CTNNA3: variants seen among roughly 807,000 people sequenced by gnomAD.
CTNNA3 encodes catenin alpha 3, also known as catenin alpha-3.
Under a neutral mutation model 95.7 loss-of-function variants are expected in CTNNA3, and 76 were observed. The observed-to-expected ratio is 0.79, with a 90% confidence interval of 0.66 to 0.96. The LOEUF (loss-of-function observed/expected upper bound fraction) is 0.96. Ranked by LOEUF, CTNNA3 falls within the 40% of genes least tolerant of loss-of-function variation. The probability of loss-of-function intolerance (pLI) is 0.00; values close to 1 mark genes in which losing one functional copy is unlikely to be tolerated. For synonymous variants in CTNNA3, 431 were observed against 374.4 expected, an observed-to-expected ratio of 1.15 and a Z score of -1.74; for missense variants, 1,191 against 1,089.8, an observed-to-expected ratio of 1.09 and a Z score of -1.31.
intron 11 of CTNNA3, among the ~76,000 whole-genome samples, chr10:66,502,631 T>C (rs1840315209): frequency 6.6e-6 from 1 of 152,170 alleles, no homozygotes; most frequent in South Asian, 2.1e-4. Context: ...CCACTCAATA[T>C]TACTTTGAAA....
In CTNNA3 at chr10:66,897,475, A is replaced by G. The variant is rs535723402; in HGVS notation, c.1048-121951T>C. Among the ~76,000 whole-genome samples, 166 of 152,276 alleles carry G rather than the reference A, an allele frequency of 1.1e-3. 1 individual carries two copies. Among genetic ancestry groups the G allele is most frequent in the Non-Finnish European group, 2.5e-4 (17 of 68,000 alleles). ...TAAAACAGTAATTCATAAAAATTAA[A>G]AGAAAATTTAAAAAGGGAATATAAC... On this transcript the variant is annotated intron_variant, in intron 7 of 17. Coordinates refer to ENST00000433211, the MANE Select transcript of CTNNA3 (RefSeq NM_013266.4).
chr10:67,728,653 T>G (rs970221325), intron 1 of CTNNA3, among the ~76,000 whole-genome samples: 1 of 151,936 alleles, frequency 6.6e-6, no homozygotes. Context: ...TGTATATGCA[T>G]GTATTTGTAT....
chr10:67,527,955 A>G (rs1001208529), intron 4 of CTNNA3, among the ~76,000 whole-genome samples: 1 of 152,178 alleles, frequency 6.6e-6, no homozygotes, highest in African/African-American at 2.4e-5. Flanking sequence ...CTCCACCACA[A>G]TGCTCCTGCT....
chr10:66,546,306 TG>T (rs1842033333), intron 10 of CTNNA3, among the ~76,000 whole-genome samples: 2 of 152,308 alleles, frequency 1.3e-5, no homozygotes, highest in South Asian at 2.1e-4. Context: ...TTCACATGCA[TG>T]TAATTGTCAC....
At chr10:66,132,967 G>A (rs1455318716) in intron 13 of CTNNA3, among the ~76,000 whole-genome samples, 1 of 151,966 alleles carries the variant, frequency 6.6e-6, no homozygotes, top group Non-Finnish European at 1.5e-5. Flanking sequence ...TAGTACCTGG[G>A]TGATGAAATA....
chr10:66,941,043 C>T (rs1589457143), intron 7 of CTNNA3, among the ~76,000 whole-genome samples: 1 of 152,326 alleles, frequency 6.6e-6, no homozygotes, highest in South Asian at 2.1e-4. Flanking sequence ...GCCCAACATA[C>T]TCTTAAAGAC....
chr10:66,518,736 A>G (rs1020297746), intron 11 of CTNNA3, among the ~76,000 whole-genome samples: 4 of 152,048 alleles, frequency 2.6e-5, no homozygotes, highest in African/African-American at 9.7e-5. Flanking sequence ...ATATAAATAT[A>G]TATTAGAAAA....
intron 3 of CTNNA3, among the ~76,000 whole-genome samples, chr10:67,562,339 A>C (rs1218352410): frequency 6.6e-6 from 1 of 152,178 alleles, no homozygotes; most frequent in Non-Finnish European, 1.5e-5. Flanking sequence ...TTCAACATAC[A>C]CAAATCAATA....
intron 11 of CTNNA3, among the ~76,000 whole-genome samples, chr10:66,517,265 G>T (rs751825071): frequency 5.9e-5 from 9 of 151,916 alleles, no homozygotes; most frequent in Non-Finnish European, 1.2e-4. Context: ...ACTGTCAGAG[G>T]CATGTGAATC....
chr10:67,487,645 T>C (rs182920213), intron 5 of CTNNA3, among the ~76,000 whole-genome samples: 248 of 152,298 alleles, frequency 1.6e-3, no homozygotes, highest in African/African-American at 5.4e-3. Context: ...TCTGAAAAGC[T>C]AGAGTTGTAA....
At chr10:67,227,688 C>T (rs1864990174) in intron 5 of CTNNA3, among the ~76,000 whole-genome samples, 1 of 152,126 alleles carries the variant, frequency 6.6e-6, no homozygotes, top group Admixed American at 6.6e-5. Flanking sequence ...TACCTTGGAA[C>T]AAATGAACTT....
intron 12 of CTNNA3, among the ~76,000 whole-genome samples, chr10:66,374,933 G>T (rs1005704760): frequency 1.3e-5 from 2 of 151,988 alleles, no homozygotes; most frequent in African/African-American, 2.4e-5. Flanking sequence ...CCATTTTTAT[G>T]ACAGTATATC....
At chr10:66,875,332 C>G (rs1844574526) in intron 7 of CTNNA3, among the ~76,000 whole-genome samples, 1 of 151,408 alleles carries the variant, frequency 6.6e-6, no homozygotes, top group African/African-American at 2.4e-5. Context: ...TTCATGGATT[C>G]TCATCACACT....
chr10:66,845,082 A>G (rs1164505571), intron 7 of CTNNA3, among the ~76,000 whole-genome samples: 1 of 152,206 alleles, frequency 6.6e-6, no homozygotes, highest in Non-Finnish European at 1.5e-5. Context: ...ACAATAGAGA[A>G]CACACTTTCT....
intron 12 of CTNNA3, among the ~76,000 whole-genome samples, chr10:66,303,082 A>T (rs549399001): frequency 1.3e-5 from 2 of 152,284 alleles, no homozygotes; most frequent in African/African-American, 4.8e-5. Flanking sequence ...ATTCACAAAA[A>T]TTTACCGCAA....
chr10:67,671,033 C>G (rs1164455799), intron 1 of CTNNA3, among the ~76,000 whole-genome samples: 1 of 152,030 alleles, frequency 6.6e-6, no homozygotes, highest in African/African-American at 2.4e-5. Flanking sequence ...ATGTGGTAAA[C>G]ATTGCATGTT....
At chr10:66,063,858 T>C (rs2080259922) in intron 15 of CTNNA3, among the ~76,000 whole-genome samples, 1 of 152,010 alleles carries the variant, frequency 6.6e-6, no homozygotes, top group Non-Finnish European at 1.5e-5. Flanking sequence ...TGTAGCAAAG[T>C]ATGTTAATAC....
chr10:67,025,007 G>C (rs1381052099), intron 7 of CTNNA3, among the ~76,000 whole-genome samples: 1 of 151,784 alleles, frequency 6.6e-6, no homozygotes, highest in Non-Finnish European at 1.5e-5. Flanking sequence ...GCGCATGCCT[G>C]TAATCTCAGC....
intron 9 of CTNNA3, among the ~76,000 whole-genome samples, chr10:66,751,289 C>A (rs1382532987): frequency 6.6e-6 from 1 of 151,986 alleles, no homozygotes; most frequent in Non-Finnish European, 1.5e-5. Context: ...TCCACTTGTC[C>A]ACTTGTTTGT....
Sources: gnomAD v4.1 joint callset for allele counts (sites outside exome capture counted in the v4.1 genomes callset) on GRCh38, gnomAD v4.1.1 for gene constraint, MANE v1.5 for transcripts, NCBI Gene and HGNC (gene_info 2026-07-23, HGNC 2026-07-21) for gene names.